The following ALKBH5 variants were observed in gnomAD, a reference collection of about 807,000 sequenced individuals.
ALKBH5 encodes RNA demethylase ALKBH5.
A neutral mutation model predicts 32.1 loss-of-function variants in ALKBH5; 2 were observed. The ratio of observed to expected loss-of-function variants is 0.06; its 90% confidence interval spans 0.03 to 0.20. The LOEUF is 0.20. ALKBH5 is among the 10% of genes least tolerant of loss of function. ALKBH5 has a pLI of 1.00. For missense variants in ALKBH5, 352 were observed against 559.5 expected (o/e 0.63, Z 3.74); for synonymous variants, 300 against 231.7 (o/e 1.29, Z -2.68).
At chr17:18,186,144 C>T (rs566125543) in intron 1 of ALKBH5, among the ~76,000 whole-genome samples, 3 of 152,298 alleles carry the variant, frequency 2.0e-5, no homozygotes, top group African/African-American at 4.8e-5. Flanking sequence ...TTGGGGATGG[C>T]AGCAGAGCCT....
intron 2 of ALKBH5, among the ~76,000 whole-genome samples, chr17:18,204,218 A>T (rs2047257110): frequency 6.6e-6 from 1 of 151,458 alleles, no homozygotes; most frequent in African/African-American, 2.4e-5. Flanking sequence ...TTGGGAAGCC[A>T]GGACGGGCAG....
chr17:18,201,139 G>C (rs1320102000), intron 2 of ALKBH5, among the ~76,000 whole-genome samples: 3 of 152,236 alleles, frequency 2.0e-5, no homozygotes, highest in Admixed American at 6.5e-5. Flanking sequence ...AGTGGGGTGA[G>C]GGGTGGCTAG....
intron 1 of ALKBH5, among the ~76,000 whole-genome samples, chr17:18,185,265 G>A (rs182759245): frequency 1.3e-5 from 2 of 152,210 alleles, no homozygotes; most frequent in South Asian, 2.1e-4. Context: ...AGAATTCATC[G>A]AAAGCCATCT....
chr17:18,204,482 C>T (rs2047258594), intron 2 of ALKBH5, among the ~76,000 whole-genome samples: 1 of 151,604 alleles, frequency 6.6e-6, no homozygotes, highest in Non-Finnish European at 1.5e-5. Context: ...GGTAATTGGG[C>T]CAGGTGTGGT....
chr17:18,191,788 G>C (rs950403724), intron 1 of ALKBH5, among the ~76,000 whole-genome samples: 1 of 151,966 alleles, frequency 6.6e-6, no homozygotes, highest in Non-Finnish European at 1.5e-5. Flanking sequence ...TGGCCAACAT[G>C]GGGAAACAGT....
intron 2 of ALKBH5, among the ~76,000 whole-genome samples, chr17:18,198,088 C>G (rs1226114670): frequency 1.3e-5 from 2 of 152,198 alleles, no homozygotes; most frequent in African/African-American, 4.8e-5. Context: ...ACATGATAAC[C>G]AACTCCTCAG....
chr17:18,188,656 C>A (rs530883266), intron 1 of ALKBH5, among the ~76,000 whole-genome samples: 1 of 152,136 alleles, frequency 6.6e-6, no homozygotes, highest in Admixed American at 6.5e-5. Flanking sequence ...GGGGGGTTGG[C>A]TGCCCTTGCT....
chr17:18,183,970 G>C lies in ALKBH5; in HGVS notation c.-274G>C. 1 of 626,906 alleles carries C rather than the reference G, an allele frequency of 1.6e-6. No individual in the cohort carries two copies. Among genetic ancestry groups the C allele is most frequent in the Non-Finnish European group, 2.9e-6 (1 of 340,288 alleles). 38.8% of individuals were successfully genotyped at this position (626,906 alleles called of 1,614,324 possible). ...CCGCGTCTCCGCAGCAGCCCTCCGC[G>C]GCATGAGGCGCTGCCGGCGCCCCTG... On this transcript the variant is annotated 5_prime_UTR_variant, in exon 1 of 4. Coordinates refer to ENST00000399138, the MANE Select transcript of ALKBH5 (RefSeq NM_017758.4).
At position 18,206,912 on chromosome 17, in the gene ALKBH5, G is replaced by A; in HGVS notation, c.949G>A (p.Asp317Asn). The A allele has an allele frequency of 2.5e-6, 4 of 1,614,248 alleles. No homozygotes were observed. The highest frequency in any genetic ancestry group is 3.4e-6 in the Non-Finnish European group (4 of 1,180,050). Residue 317 changes from aspartate (D) to asparagine (N), a missense_variant, in exon 3 of 4, where the codon GAC (aspartate) becomes AAC (asparagine). Coordinates refer to ENST00000399138, the MANE Select transcript of ALKBH5 (RefSeq NM_017758.4). ...AGATCGCCTGTCAGGAAACAACAGGGACCCTGCTCTGAAACCCAAGCGGTC... is the reference window on the plus strand; with the variant it reads ...AGATCGCCTGTCAGGAAACAACAGGAACCCTGCTCTGAAACCCAAGCGGTC... Reference protein sequence around the residue: ...ASDRLSGNNRDPALKPKRSHR... With the variant: ...ASDRLSGNNRNPALKPKRSHR...
chr17:18,186,661 A>C (rs2047141454), intron 1 of ALKBH5, among the ~76,000 whole-genome samples: 1 of 152,212 alleles, frequency 6.6e-6, no homozygotes, highest in Non-Finnish European at 1.5e-5. Flanking sequence ...AGTGATCAGC[A>C]ACAGGATTGC....
At chr17:18,188,254 C>G (rs2047151542) in intron 1 of ALKBH5, among the ~76,000 whole-genome samples, 2 of 152,384 alleles carry the variant, frequency 1.3e-5, no homozygotes, top group African/African-American at 4.8e-5. Flanking sequence ...ATAATTACTT[C>G]AAGGCTAATT....
intron 3 of ALKBH5, 81 bp from the exon 4 acceptor site, chr17:18,208,138 A>C (rs2047280788): frequency 6.2e-6 from 9 of 1,444,236 alleles, no homozygotes; most frequent in Non-Finnish European, 8.4e-6. Flanking sequence ...ACCCATCCCA[A>C]GGATGAGACG....
chr17:18,191,424 G>A (rs1377464517), intron 1 of ALKBH5, among the ~76,000 whole-genome samples: 1 of 152,178 alleles, frequency 6.6e-6, no homozygotes, highest in Non-Finnish European at 1.5e-5. Context: ...TGGGCTCCGT[G>A]GCAGGAACCT....
At chr17:18,185,943 C>T (rs988195617) in intron 1 of ALKBH5, among the ~76,000 whole-genome samples, 9 of 152,202 alleles carry the variant, frequency 5.9e-5, no homozygotes, top group Non-Finnish European at 1.0e-4. Flanking sequence ...CAGCTGTTCT[C>T]AGAGCAGCTT....
chr17:18,201,763 A>G (rs537671606), intron 2 of ALKBH5, among the ~76,000 whole-genome samples: 2 of 134,716 alleles, frequency 1.5e-5, no homozygotes, highest in African/African-American at 2.8e-5. Flanking sequence ...AGATAGATAG[A>G]TAGATAGATA....
At position 18,208,211 on chromosome 17, in the gene ALKBH5, C is replaced by G. The variant is rs1437406852; in HGVS notation, c.1008-8C>G. ...CTCAGATAACGTCCTACCTCCCTTT[C>G]CTTGCAGGCCACGGATCCTGGAGAT... On this transcript the variant is annotated splice_polypyrimidine_tract_variant and splice_region_variant and intron_variant, in intron 3 of 3. Coordinates refer to ENST00000399138, the MANE Select transcript of ALKBH5 (RefSeq NM_017758.4). 1.2e-6 allele frequency: 2 copies of G among 1,600,110 alleles called. No individual in the cohort carries two copies. The highest frequency in any genetic ancestry group is 1.7e-6 in the Non-Finnish European group (2 of 1,172,268).
rs139331538 is a variant in ALKBH5, at chr17:18,204,415, C to T, written c.852-2400C>T. ...GCAGTGAGCCAAGATCGTGCCAGTGCACTCCACCCTGGACAACAAGAGTAA... is the reference window on the plus strand; with the variant it reads ...GCAGTGAGCCAAGATCGTGCCAGTGTACTCCACCCTGGACAACAAGAGTAA... On this transcript the variant is annotated intron_variant, in intron 2 of 3. Transcript: ENST00000399138. Among the ~76,000 whole-genome samples the T allele has an allele frequency of 2.7e-5, 4 of 148,738 alleles. No homozygotes were observed. In the East Asian group the frequency reaches 8.0e-4, roughly 30 times the overall value.
chr17:18,201,794 A>AGGATAGATAAGAT (rs1491101824), intron 2 of ALKBH5, among the ~76,000 whole-genome samples: 3,148 of 134,314 alleles, frequency 0.023, 58 homozygotes, highest in South Asian at 0.046. Flanking sequence ...TAGGATAGAT[A>AGGATAGATAAGAT]AGATAGATAG....
At chr17:18,206,627 G>A (rs1169405975) in intron 2 of ALKBH5, 188 bp from the exon 3 acceptor site, 2 of 640,826 alleles carry the variant, frequency 3.1e-6, no homozygotes, top group African/African-American at 3.6e-5. Flanking sequence ...AGGTGGACTT[G>A]AGGAGGGTCT....
Sources: allele counts gnomAD v4.1 joint callset (sites outside exome capture counted in the v4.1 genomes callset), GRCh38; gene constraint gnomAD v4.1.1; transcripts MANE v1.5; gene names NCBI Gene and HGNC (gene_info 2026-07-23, HGNC 2026-07-21).